The following CPAP variants were observed in gnomAD, a reference collection of about 807,000 sequenced individuals.
The protein encoded by CPAP is centrosome assembly and centriole elongation protein, also known as centrosomal P4.1-associated protein.
chr13:24,917,769 A>G, the CPAP span, among the ~76,000 whole-genome samples: 1 of 152,246 alleles, frequency 6.6e-6, no homozygotes, highest in African/African-American at 2.4e-5. Flanking sequence ...TATTTCTCAC[A>G]GTTCTGGAGC....
At chr13:24,916,203 T>C in the CPAP span, among the ~76,000 whole-genome samples, 1 of 152,202 alleles carries the variant, frequency 6.6e-6, no homozygotes, top group Non-Finnish European at 1.5e-5. Flanking sequence ...GGAGAATTGC[T>C]ACAGTCATGT....
the CPAP span, chr13:24,908,087 A>G: frequency 1.2e-6 from 2 of 1,613,120 alleles, no homozygotes; most frequent in Admixed American, 1.7e-5. Flanking sequence ...TGCTTCCTGA[A>G]TCTGTTCTGT....
chr13:24,917,778 G>A, the CPAP span, among the ~76,000 whole-genome samples: 2 of 152,212 alleles, frequency 1.3e-5, no homozygotes, highest in Non-Finnish European at 2.9e-5. Context: ...CAGTTCTGGA[G>A]CTGGGAAAAA....
the CPAP span, chr13:24,892,551 G>C: frequency 2.1e-5 from 21 of 982,666 alleles, no homozygotes; most frequent in Non-Finnish European, 3.1e-5. Flanking sequence ...GCCCCTGGCA[G>C]CTCCCATTCT....
the CPAP span, among the ~76,000 whole-genome samples, chr13:24,909,609 G>A: frequency 1.3e-5 from 2 of 151,956 alleles, no homozygotes; most frequent in Admixed American, 6.6e-5. Context: ...TATAGTCCCA[G>A]CTACCTGAGA....
the CPAP span, chr13:24,905,810 T>C: frequency 5.0e-6 from 8 of 1,614,200 alleles, no homozygotes; most frequent in South Asian, 8.8e-5. Flanking sequence ...GGTCCTGGTG[T>C]CCTTAAAAGG....
the CPAP span, chr13:24,922,613 GCCTGAGCGCGT>G: frequency 6.6e-6 from 1 of 152,628 alleles, no homozygotes; most frequent in Admixed American, 6.5e-5. Flanking sequence ...GCGCCCGTGG[GCCTGAGCGCGT>G]CCCGGCGCCC....
At chr13:24,905,009 T>C in the CPAP span, among the ~76,000 whole-genome samples, 198 of 152,174 alleles carry the variant, frequency 1.3e-3, no homozygotes, top group Non-Finnish European at 2.5e-3. Flanking sequence ...AAGGTAATTA[T>C]ATACAAACTG....
At chr13:24,889,309 C>CTCTT in the CPAP span, 1 of 1,582,712 alleles carries the variant, frequency 6.3e-7, no homozygotes, top group African/African-American at 1.3e-5. Flanking sequence ...ATCATGCAGC[C>CTCTT]TCTTACCTTG....
the CPAP span, among the ~76,000 whole-genome samples, chr13:24,913,913 A>G: frequency 2.6e-5 from 4 of 152,230 alleles, no homozygotes; most frequent in South Asian, 8.3e-4. Flanking sequence ...CATAACAGAG[A>G]AGATAAGCCT....
At chr13:24,896,337 T>A in the CPAP span, among the ~76,000 whole-genome samples, 1 of 152,224 alleles carries the variant, frequency 6.6e-6, no homozygotes, top group Non-Finnish European at 1.5e-5. Flanking sequence ...ACAAGCCCCT[T>A]GAATGGGCAC....
the CPAP span, among the ~76,000 whole-genome samples, chr13:24,896,419 C>A: frequency 6.6e-6 from 1 of 152,218 alleles, no homozygotes; most frequent in Admixed American, 6.5e-5. Context: ...CAGCCAGCCA[C>A]AGGTGGCTAC....
the CPAP span, chr13:24,906,342 G>A: frequency 2.9e-5 from 46 of 1,611,786 alleles, no homozygotes; most frequent in Non-Finnish European, 3.5e-5. Flanking sequence ...TCCTTTTCTC[G>A]TTCCCAAGTC....
the CPAP span, among the ~76,000 whole-genome samples, chr13:24,896,977 A>G: frequency 6.6e-6 from 1 of 152,266 alleles, no homozygotes; most frequent in African/African-American, 2.4e-5. Flanking sequence ...ATTTGTAACT[A>G]TAACTCAGAT....
the CPAP span, among the ~76,000 whole-genome samples, chr13:24,900,296 A>G: frequency 6.6e-6 from 1 of 152,168 alleles, no homozygotes; most frequent in South Asian, 2.1e-4. Flanking sequence ...CAGTGTGACT[A>G]AAACACAGTG....
the CPAP span, among the ~76,000 whole-genome samples, chr13:24,920,386 T>C: frequency 6.6e-6 from 1 of 152,054 alleles, no homozygotes; most frequent in Non-Finnish European, 1.5e-5. Context: ...TGTAGAAGAG[T>C]TGTATAAAGG....
At chr13:24,888,589 G>A in the CPAP span, among the ~76,000 whole-genome samples, 1 of 152,108 alleles carries the variant, frequency 6.6e-6, no homozygotes, top group Non-Finnish European at 1.5e-5. Flanking sequence ...AAAAAAAACT[G>A]GTACAACCAT....
At chr13:24,886,194 T>C in the CPAP span, 4 of 676,876 alleles carry the variant, frequency 5.9e-6, no homozygotes, top group Non-Finnish European at 9.3e-6. Flanking sequence ...TGCCAGTATT[T>C]TCATCCTATG....
At chr13:24,933,482 TGTC>T in the CPAP span, 1 of 202,968 alleles carries the variant, frequency 4.9e-6, no homozygotes, top group Non-Finnish European at 1.0e-5. Context: ...AAAAGCGCAC[TGTC>T]GTCACTCACC....
Sources: allele counts gnomAD v4.1 joint callset (sites outside exome capture counted in the v4.1 genomes callset), GRCh38; gene constraint gnomAD v4.1.1; transcripts MANE v1.5; gene names NCBI Gene and HGNC (gene_info 2026-07-23, HGNC 2026-07-21).